Variants in CCDC170 observed in about 807,000 individuals in gnomAD.
CCDC170 encodes the protein coiled-coil domain-containing protein 170.
Under a neutral mutation model 72.6 loss-of-function variants are expected in CCDC170, and 69 were observed. That is an observed-to-expected ratio of 0.95 (90% CI 0.78 to 1.16). CCDC170 has a LOEUF of 1.16. Ranked by LOEUF, CCDC170 falls within the 50% of genes most tolerant of loss-of-function variation. The pLI, the probability that CCDC170 is intolerant of heterozygous loss-of-function variation, is 0.00. For missense variants in CCDC170, 852 were observed against 832.5 expected (o/e 1.02, Z -0.29); for synonymous variants, 300 against 303.9 (o/e 0.99, Z 0.13).
chr6:151,536,577 C>T (rs550538688), intron 2 of CCDC170, 131 bp downstream of exon 2: 17 of 980,640 alleles, frequency 1.7e-5, no homozygotes, highest in African/African-American at 3.3e-5. Flanking sequence ...GAGATCCAGA[C>T]CATCCTGGCC....
chr6:151,535,168 T>C (rs774492047), intron 1 of CCDC170, among the ~76,000 whole-genome samples: 5 of 152,220 alleles, frequency 3.3e-5, no homozygotes, highest in Non-Finnish European at 7.3e-5. Flanking sequence ...AACATTTAAA[T>C]CAGTTGCCAA....
chr6:151,518,374 C>A (rs1782266996), intron 1 of CCDC170, among the ~76,000 whole-genome samples: 1 of 152,064 alleles, frequency 6.6e-6, no homozygotes. Context: ...ACTGTCAAGT[C>A]AATCAAATGT....
intron 1 of CCDC170, among the ~76,000 whole-genome samples, chr6:151,497,710 T>C (rs1421943638): frequency 6.6e-6 from 1 of 151,876 alleles, no homozygotes; most frequent in Admixed American, 6.5e-5. Context: ...GTGCGGTGGC[T>C]CATGCTTGTA....
chr6:151,546,441 C>CA (rs575396387), intron 4 of CCDC170, among the ~76,000 whole-genome samples: 259 of 152,302 alleles, frequency 1.7e-3, no homozygotes, highest in Non-Finnish European at 2.4e-3. Flanking sequence ...GTTTCTACTA[C>CA]ATTTATCATG....
Position 151,586,050 on chromosome 6 carries a change from AG to A in CCDC170, c.1256del (p.Gly419ValfsTer7), listed in dbSNP as rs1464288408. 1.4e-5 allele frequency: 22 copies of A among 1,614,150 alleles called. No homozygotes were observed. The highest frequency in any genetic ancestry group is 1.8e-5 in the Non-Finnish European group (21 of 1,179,994). ...ACCTGGAGGCAGAGCTGGTTTCTGG[AG>A]GTGTTTTGCGAGACAACTTGAATTT... The part of the protein sequence containing the change: ...THLEAELVSG[G>X]VLRDNLNFEK... On this transcript the variant is annotated frameshift_variant, in exon 7 of 11. Coordinates refer to ENST00000239374, the MANE Select transcript of CCDC170 (RefSeq NM_025059.4). LOFTEE classifies it high-confidence loss of function.
chr6:151,519,302 C>A lies in CCDC170; in HGVS notation c.58-17016C>A, dbSNP rs189548047. Among the ~76,000 whole-genome samples the A allele has an allele frequency of 1.3e-3, 199 of 152,286 alleles. 1 individual carries two copies. The highest frequency in any genetic ancestry group is 4.6e-3 in the African/African-American group (191 of 41,572). The stretch of plus-strand genomic sequence containing the variant: ...AAAGAATTTAGTGATATCTTCCCTA[C>A]TTGCATGTCCATTTATAGGCTCTCT... On this transcript the variant is annotated intron_variant, in intron 1 of 10. Transcript: ENST00000239374.
At chr6:151,603,472 T>A (rs1110776) in intron 9 of CCDC170, among the ~76,000 whole-genome samples, 11,074 of 152,290 alleles carry the variant, frequency 0.073, 557 homozygotes, top group East Asian at 0.29. Context: ...GGCACAAACA[T>A]AGCCTTATAC....
intron 1 of CCDC170, among the ~76,000 whole-genome samples, chr6:151,512,523 G>A (rs534473975): frequency 6.6e-6 from 1 of 152,266 alleles, no homozygotes; most frequent in African/African-American, 2.4e-5. Context: ...CATACCAAGA[G>A]CTTGCAGACA....
intron 9 of CCDC170, among the ~76,000 whole-genome samples, chr6:151,602,936 GA>G (rs1377318031): frequency 1.3e-5 from 2 of 152,080 alleles, no homozygotes; most frequent in Admixed American, 1.3e-4. Context: ...GAGTTGCTGG[GA>G]TTACAGGCGT....
chr6:151,534,773 C>T (rs2115044488), intron 1 of CCDC170, among the ~76,000 whole-genome samples: 1 of 152,294 alleles, frequency 6.6e-6, no homozygotes, highest in Admixed American at 6.5e-5. Flanking sequence ...AAGTTATGAG[C>T]TTTAAGAAGA....
intron 6 of CCDC170, among the ~76,000 whole-genome samples, chr6:151,584,221 C>T (rs996911743): frequency 4.6e-5 from 7 of 152,178 alleles, no homozygotes; most frequent in Non-Finnish European, 1.0e-4. Flanking sequence ...AGCCAATTTC[C>T]GGCCATCTTC....
rs771098997 is a variant in CCDC170 at position 151,615,533 on chromosome 6, C to T, written c.1801C>T (p.Leu601Phe). ...GATGAAGGAGAAAGCTGAGAAAAAG[C>T]TCATGTCTGTCAAGTCAGAACTGGA... ...EKMKEKAEKK[L>F]MSVKSELDTT... is the part of the protein sequence containing the mutation. Residue 601 changes from leucine (L) to phenylalanine (F), a missense_variant, in exon 10 of 11, where the codon CTC (leucine) becomes TTC (phenylalanine). Coordinates refer to ENST00000239374, the MANE Select transcript of CCDC170 (RefSeq NM_025059.4). 2.5e-6 allele frequency: 4 copies of T among 1,613,898 alleles called. No homozygotes were observed. In the African/African-American group the frequency reaches 5.3e-5, roughly 22 times the overall value.
intron 1 of CCDC170, among the ~76,000 whole-genome samples, chr6:151,526,920 C>T (rs1416630481): frequency 6.6e-6 from 1 of 152,006 alleles, no homozygotes; most frequent in Non-Finnish European, 1.5e-5. Flanking sequence ...GGGTCTCACT[C>T]TGTCACCCAC....
At chr6:151,515,563 G>A (rs772253147) in intron 1 of CCDC170, among the ~76,000 whole-genome samples, 16 of 152,164 alleles carry the variant, frequency 1.1e-4, no homozygotes, top group Non-Finnish European at 1.8e-4. Flanking sequence ...GATTGTAGGC[G>A]TGAGCCACTG....
intron 7 of CCDC170, 28 bp downstream of exon 7, chr6:151,586,117 T>C (rs372860674): frequency 4.4e-6 from 7 of 1,606,460 alleles, no homozygotes; most frequent in Non-Finnish European, 6.0e-6. Context: ...TGTCCATGAG[T>C]GGAAGCATCT....
At chr6:151,605,895 TGCC>T (rs1351424043) in intron 9 of CCDC170, among the ~76,000 whole-genome samples, 2 of 111,218 alleles carry the variant, frequency 1.8e-5, no homozygotes, top group Admixed American at 1.2e-4. Context: ...CTTGCTTCTA[TGCC>T]GCCATTTTTT....
At chr6:151,499,258 A>C (rs9383909) in intron 1 of CCDC170, among the ~76,000 whole-genome samples, 3 of 126,994 alleles carry the variant, frequency 2.4e-5, no homozygotes, top group Admixed American at 1.6e-4. Flanking sequence ...GTGGAATCAG[A>C]CTGTATTTGA....
intron 5 of CCDC170, among the ~76,000 whole-genome samples, chr6:151,569,322 A>G (rs948699455): frequency 6.6e-6 from 1 of 152,248 alleles, no homozygotes; most frequent in Non-Finnish European, 1.5e-5. Context: ...TACTTAATGC[A>G]GACTCGTGCA....
At chr6:151,596,701 T>C in intron 9 of CCDC170, 124 bp downstream of exon 9, 6 of 1,366,510 alleles carry the variant, frequency 4.4e-6, no homozygotes, top group African/African-American at 2.9e-5. Flanking sequence ...TCTGATTTTC[T>C]AGAATTATGG....
Sources: allele counts gnomAD v4.1 joint callset (sites outside exome capture counted in the v4.1 genomes callset), GRCh38; gene constraint gnomAD v4.1.1; transcripts MANE v1.5; gene names NCBI Gene and HGNC (gene_info 2026-07-23, HGNC 2026-07-21).